Variants in NDUFA11 observed in about 807,000 individuals in gnomAD.
The protein encoded by NDUFA11 is NADH:ubiquinone oxidoreductase subunit A11, also known as NADH dehydrogenase [ubiquinone] 1 alpha subcomplex subunit 11.
In NDUFA11, 14 loss-of-function variants were observed where a neutral mutation model predicts 11.3. That is an observed-to-expected ratio of 1.24 (90% confidence interval 0.82 to 1.94). The LOEUF is 1.94. NDUFA11 is among the 30% of genes most tolerant of loss of function. The pLI, the probability that NDUFA11 is intolerant of heterozygous loss-of-function variation, is 0.00. For synonymous variants in NDUFA11, 87 were observed against 85.6 expected (o/e 1.02, Z -0.09); for missense variants, 204 against 200.3 (o/e 1.02, Z -0.11).
chr19:5,891,254 C>T (rs762207146), downstream of NDUFA11: 16 of 150,356 alleles, frequency 1.1e-4, no homozygotes, highest in African/African-American at 2.5e-4. Context: ...CCCAGGCCAG[C>T]GTTATTTATT....
At chr19:5,898,855 CAG>C (rs1457919699) in intron 1 of NDUFA11, among the ~76,000 whole-genome samples, 1 of 133,440 alleles carries the variant, frequency 7.5e-6, no homozygotes, top group Non-Finnish European at 1.6e-5. Flanking sequence ...GCCTGGGGGA[CAG>C]AGTGAGACTC....
intron 1 of NDUFA11, among the ~76,000 whole-genome samples, chr19:5,902,018 C>G (rs146681314): frequency 6.6e-6 from 1 of 151,842 alleles, no homozygotes; most frequent in Non-Finnish European, 1.5e-5. Context: ...CTCTGTCGCC[C>G]AGGCTGGAGT....
chr19:5,900,378 T>A (rs1182740055), intron 1 of NDUFA11, among the ~76,000 whole-genome samples: 1 of 152,190 alleles, frequency 6.6e-6, no homozygotes, highest in Non-Finnish European at 1.5e-5. Flanking sequence ...GCCCACAAGA[T>A]GCTTCATTCA....
At position 5,894,733 on chromosome 19, in the gene NDUFA11, G is replaced by A. The variant is rs750598527; in HGVS notation, c.*9C>T. The A allele has an allele frequency of 1.9e-6, 3 of 1,611,996 alleles. No individual in the cohort carries two copies. Among genetic ancestry groups the A allele is most frequent in the South Asian group, 1.1e-5 (1 of 90,772 alleles). ...TTCTGCAGGCTGGAGGTCCCGGCAG[G>A]CACAGGGCTCACACCTTGGGTTTTG... is the stretch of plus-strand genomic sequence containing the variant. On this transcript the variant is annotated 3_prime_UTR_variant, in exon 4 of 4. Coordinates refer to ENST00000308961, the MANE Select transcript of NDUFA11 (RefSeq NM_175614.5).
downstream of NDUFA11, chr19:5,894,612 C>G (rs1412967841): frequency 1.2e-5 from 18 of 1,530,292 alleles, no homozygotes; most frequent in African/African-American, 4.1e-5. Flanking sequence ...CTTCCTCACT[C>G]CCTCCCAGAT....
At chr19:5,893,076 T>C (rs1051145125), downstream of NDUFA11, 25 of 1,535,242 alleles carry the variant, frequency 1.6e-5, no homozygotes, top group Non-Finnish European at 2.1e-5. The surrounding 1 kb of genome is among the most constrained non-coding windows in gnomAD (Gnocchi z 4.1). Flanking sequence ...GACGTGACCC[T>C]GAGCTGTTGC....
Position 5,896,840 on chromosome 19 carries a change from A to G in NDUFA11, c.190+65T>C, listed in dbSNP as rs2057612946. 2.1e-6 allele frequency: 3 copies of G among 1,421,362 alleles called. No individual in the cohort carries two copies. Among genetic ancestry groups the G allele is most frequent in the Non-Finnish European group, 3.0e-6 (3 of 1,006,040 alleles). The allele number at this position is 1,421,362 out of a possible 1,614,324, so 88.0% of individuals were successfully genotyped here. A position where few individuals can be genotyped will look rare whatever the true frequency, so the allele number is the denominator to read the frequency against. On this transcript the variant is annotated intron_variant, in intron 2 of 3. Coordinates refer to ENST00000308961, the MANE Select transcript of NDUFA11 (RefSeq NM_175614.5). This position sits in a 1 kb window ranked among gnomAD's most constrained non-coding sequence, Gnocchi z 5.8. ...GTCAGAGAGAAGAGGCAGCCGTCAAATGTGCTCTGAGAGCTGGGGCTGTGC... is the reference window on the plus strand; with the variant it reads ...GTCAGAGAGAAGAGGCAGCCGTCAAGTGTGCTCTGAGAGCTGGGGCTGTGC...
In NDUFA11 at chr19:5,896,158, G is replaced by A. The variant is rs1047505615; in HGVS notation, c.313+295C>T. The A allele has an allele frequency of 3.2e-5, 19 of 588,350 alleles. No individual in the cohort carries two copies. Among genetic ancestry groups the A allele is most frequent in the Non-Finnish European group, 3.3e-5 (11 of 331,648 alleles). The allele number at this position is 588,350 out of a possible 1,614,324, so 36.4% of individuals were successfully genotyped here. The stretch of plus-strand genomic sequence containing the variant: ...GCATTCCACGCAGTGCACTGCCCAT[G>A]CAAAGGCCCTGGGGCAGGACTGTAC... On this transcript the variant is annotated intron_variant, in intron 3 of 3. Coordinates refer to ENST00000308961, the MANE Select transcript of NDUFA11 (RefSeq NM_175614.5). The surrounding 1 kb of genome is among the most constrained non-coding windows in gnomAD (Gnocchi z 5.8).
downstream of NDUFA11, chr19:5,894,595 T>A: frequency 6.6e-7 from 1 of 1,506,734 alleles, no homozygotes; most frequent in Non-Finnish European, 8.9e-7. Flanking sequence ...GGCCTTATCT[T>A]ATCTCCCTTC....
chr19:5,900,780 C>T (rs755703155), intron 1 of NDUFA11, among the ~76,000 whole-genome samples: 5 of 151,844 alleles, frequency 3.3e-5, no homozygotes, highest in South Asian at 2.1e-4. Flanking sequence ...TAGCCAGGCA[C>T]GGTGGCAGGC....
At chr19:5,898,210 G>A (rs904568802) in intron 1 of NDUFA11, among the ~76,000 whole-genome samples, 3 of 152,084 alleles carry the variant, frequency 2.0e-5, no homozygotes, top group African/African-American at 7.2e-5. Context: ...TCTGACCACA[G>A]CCTATGCTTC....
chr19:5,892,572 T>G, downstream of NDUFA11: 7 of 205,808 alleles, frequency 3.4e-5, no homozygotes, highest in East Asian at 1.1e-4. Flanking sequence ...GCAGGATGCA[T>G]GGGAAGGAAG....
downstream of NDUFA11, chr19:5,891,259 T>C (rs1488286528): frequency 6.7e-6 from 1 of 148,948 alleles, no homozygotes; most frequent in Non-Finnish European, 1.5e-5. Context: ...GCCAGCGTTA[T>C]TTATTTATTT....
At chr19:5,895,249 C>A in intron 3 of NDUFA11, 1 of 234,498 alleles carries the variant, frequency 4.3e-6, no homozygotes, top group Non-Finnish European at 8.5e-6. Flanking sequence ...GTCCCGTGGT[C>A]TGTGTACCGA....
At chr19:5,899,451 CTTT>C (rs71172780) in intron 1 of NDUFA11, among the ~76,000 whole-genome samples, 9 of 68,834 alleles carry the variant, frequency 1.3e-4, no homozygotes, top group African/African-American at 3.5e-4. Context: ...CGCCCGGACT[CTTT>C]TTTTTTTTTT....
chr19:5,895,964 G>A (rs567064676), intron 3 of NDUFA11: 2 of 209,852 alleles, frequency 9.5e-6, no homozygotes, highest in African/African-American at 2.3e-5. Flanking sequence ...AGATGGCAGG[G>A]CGAGACTCCA....
chr19:5,899,980 A>G (rs2057634831), intron 1 of NDUFA11: 1 of 151,950 alleles, frequency 6.6e-6, no homozygotes, highest in Non-Finnish European at 1.5e-5. Flanking sequence ...TGACCAAGGG[A>G]CCCCTAGCTC....
At chr19:5,894,461 C>G (rs1045671024), downstream of NDUFA11, among the ~76,000 whole-genome samples, 1 of 152,180 alleles carries the variant, frequency 6.6e-6, no homozygotes, top group South Asian at 2.1e-4. Context: ...GAGGCTGGGG[C>G]GCATCCCAGC....
rs1032382429 is a variant in NDUFA11 at position 5,896,076 on chromosome 19, C to T, written c.313+377G>A. On this transcript the variant is annotated intron_variant, in intron 3 of 3. Coordinates refer to ENST00000308961, the MANE Select transcript of NDUFA11 (RefSeq NM_175614.5). This position sits in a 1 kb window ranked among gnomAD's most constrained non-coding sequence, Gnocchi z 5.8. ...CACACAGAAGGAAGGCGGCACAGAGCGAGGGCGGCGGGGATGCTGGCTTGT... is the reference window on the plus strand; with the variant it reads ...CACACAGAAGGAAGGCGGCACAGAGTGAGGGCGGCGGGGATGCTGGCTTGT... 10 of 437,994 alleles carry T rather than the reference C, an allele frequency of 2.3e-5. No homozygotes were observed. Among genetic ancestry groups the T allele is most frequent in the Admixed American group, 1.2e-4 (3 of 25,600 alleles). The allele number at this position is 437,994 out of a possible 1,614,324, so 27.1% of individuals were successfully genotyped here. A position where few individuals can be genotyped will look rare whatever the true frequency, so the allele number is the denominator to read the frequency against.
Sources: gnomAD v4.1 joint callset for allele counts (sites outside exome capture counted in the v4.1 genomes callset) on GRCh38, gnomAD v4.1.1 for gene constraint, Gnocchi (gnomAD v3.1) non-coding constraint, MANE v1.5 for transcripts, NCBI Gene and HGNC (gene_info 2026-07-23, HGNC 2026-07-21) for gene names.